NBAS: variants seen among roughly 807,000 people sequenced by gnomAD.
NBAS encodes the protein NBAS subunit of NRZ tethering complex, also known as NAG/BC035112 fusion.
A neutral mutation model predicts 302.5 loss-of-function variants in NBAS; 219 were observed. The observed-to-expected ratio is 0.72, with a 90% CI of 0.65 to 0.81. The LOEUF is 0.81. Among genes scored for constraint, NBAS ranks in the 30% least tolerant of loss-of-function variants. The pLI, the probability that NBAS is intolerant of heterozygous loss-of-function variation, is 0.00. For synonymous variants in NBAS, 1,118 were observed against 1,021.6 expected, an observed-to-expected ratio of 1.09 and a Z score of -1.80; for missense variants, 2,932 against 2,841.6, an observed-to-expected ratio of 1.03 and a Z score of -0.72.
the NBAS span, among the ~76,000 whole-genome samples, chr2:14,864,628 G>T: frequency 6.6e-6 from 1 of 152,142 alleles, no homozygotes; most frequent in Admixed American, 6.5e-5. Context: ...AAAACATAGT[G>T]CCCAATAACA....
At chr2:15,195,229 T>C (rs1434192677) in intron 48 of NBAS, among the ~76,000 whole-genome samples, 13 of 152,160 alleles carry the variant, frequency 8.5e-5, no homozygotes, top group Admixed American at 7.2e-4. Context: ...TAAGAGGTGA[T>C]TGGGTCACGA....
chr2:15,217,429 C>A (rs999002076), intron 48 of NBAS, among the ~76,000 whole-genome samples: 2 of 152,130 alleles, frequency 1.3e-5, no homozygotes, highest in Admixed American at 1.3e-4. Context: ...CGTGATGAGG[C>A]CCAAAATATT....
At chr2:15,204,236 G>A (rs1340623062) in intron 48 of NBAS, among the ~76,000 whole-genome samples, 1 of 151,960 alleles carries the variant, frequency 6.6e-6, no homozygotes, top group Admixed American at 6.6e-5. Flanking sequence ...TCCAGCCTGG[G>A]CAACAGGGTG....
chr2:14,956,826 A>G, the NBAS span, among the ~76,000 whole-genome samples: 1 of 152,090 alleles, frequency 6.6e-6, no homozygotes, highest in Non-Finnish European at 1.5e-5. Flanking sequence ...ACAATTCAAG[A>G]AGAGATTTGG....
At chr2:15,287,810 C>T (rs1021487355) in intron 41 of NBAS, among the ~76,000 whole-genome samples, 7 of 151,598 alleles carry the variant, frequency 4.6e-5, no homozygotes, top group African/African-American at 1.7e-4. Context: ...CCCGTGTAGG[C>T]ATCCCCGCAT....
In NBAS at chr2:15,467,766, G is replaced by A. The variant is rs2148572908; in HGVS notation, c.1916C>T (p.Ser639Phe). 1 of 1,596,026 alleles carries A rather than the reference G, an allele frequency of 6.3e-7. No homozygotes were observed. The highest frequency in any genetic ancestry group is 2.2e-5 in the East Asian group (1 of 44,696). The change falls in exon 18 of 52, where the codon TCC (serine) becomes TTC (phenylalanine). Residue 639 changes from serine (S) to phenylalanine (F), a missense_variant. By Grantham distance (155) the Ser-to-Phe change is radical (BLOSUM62 -2). Transcript: ENST00000281513. ...LPGEIDIDSI[S>F]YEELSPPDEE... ...ATCAGGTGGTGAAAGCTCTTCATAG[G>A]AGATACTGTCAATGTCTATTTCACC... is the stretch of plus-strand genomic sequence containing the variant.
the NBAS span, among the ~76,000 whole-genome samples, chr2:14,809,721 T>C: frequency 6.6e-6 from 1 of 152,152 alleles, no homozygotes; most frequent in South Asian, 2.1e-4. Flanking sequence ...AGAGGGCCAC[T>C]GTTCTCCAGA....
At chr2:15,470,053 T>C (rs537222041) in intron 16 of NBAS, among the ~76,000 whole-genome samples, 1 of 152,308 alleles carries the variant, frequency 6.6e-6, no homozygotes, top group East Asian at 1.9e-4. Flanking sequence ...AGAGCTATTA[T>C]GGTTATAAAT....
the NBAS span, among the ~76,000 whole-genome samples, chr2:14,822,247 G>A: frequency 6.6e-6 from 1 of 152,086 alleles, no homozygotes; most frequent in Non-Finnish European, 1.5e-5. Context: ...ACTATTGCCA[G>A]AAGGGACTGT....
chr2:15,288,225 C>A (rs536425282), intron 41 of NBAS, among the ~76,000 whole-genome samples: 29 of 152,340 alleles, frequency 1.9e-4, no homozygotes, highest in African/African-American at 6.7e-4. Context: ...TGTGCTAGCT[C>A]CTTAGGAACT....
intron 25 of NBAS, among the ~76,000 whole-genome samples, chr2:15,411,741 G>C (rs565266068): frequency 1.4e-4 from 22 of 152,166 alleles, no homozygotes; most frequent in African/African-American, 5.3e-4. Flanking sequence ...CAAAATCACC[G>C]AATAAATTGT....
chr2:14,885,966 A>G, the NBAS span, among the ~76,000 whole-genome samples: 1 of 152,196 alleles, frequency 6.6e-6, no homozygotes, highest in Non-Finnish European at 1.5e-5. Flanking sequence ...CAAAGAAATA[A>G]AGAGAACGAG....
At chr2:15,151,443 G>T in the NBAS span, among the ~76,000 whole-genome samples, 2 of 152,188 alleles carry the variant, frequency 1.3e-5, no homozygotes, top group Non-Finnish European at 2.9e-5. Flanking sequence ...TTAGAAATCT[G>T]CCCAAACAGC....
intron 7 of NBAS, 76 bp from the exon 8 acceptor site, chr2:15,536,627 T>C: frequency 1.6e-4 from 145 of 914,950 alleles, no homozygotes; most frequent in Non-Finnish European, 2.2e-4. Flanking sequence ...AATTAGAGAA[T>C]ATCTGATACA....
the NBAS span, among the ~76,000 whole-genome samples, chr2:15,103,031 A>G: frequency 1.7e-3 from 53 of 31,062 alleles, 1 homozygote; most frequent in African/African-American, 6.7e-3. Flanking sequence ...AAGGAAGGAA[A>G]GAGGGTCGGA....
chr2:15,073,494 A>T, the NBAS span, among the ~76,000 whole-genome samples: 1 of 146,334 alleles, frequency 6.8e-6, no homozygotes, highest in East Asian at 2.0e-4. Context: ...AAAAAAAATA[A>T]AAAATAAAAC....
chr2:14,921,696 TGA>T, the NBAS span, among the ~76,000 whole-genome samples: 1 of 152,300 alleles, frequency 6.6e-6, no homozygotes, highest in East Asian at 1.9e-4. Context: ...GCATGCATTG[TGA>T]ATAAGCGAGT....
chr2:14,898,325 A>C, the NBAS span, among the ~76,000 whole-genome samples: 1 of 152,170 alleles, frequency 6.6e-6, no homozygotes, highest in Admixed American at 6.5e-5. Flanking sequence ...TCCTAGTAAG[A>C]CTTGAGAGGT....
At chr2:15,014,291 C>T in the NBAS span, among the ~76,000 whole-genome samples, 2,291 of 152,220 alleles carry the variant, frequency 0.015, 47 homozygotes, top group African/African-American at 0.043. Context: ...ATATACCAAA[C>T]GGACCTAACA....
Sources: gnomAD v4.1 joint callset for allele counts (sites outside exome capture counted in the v4.1 genomes callset) on GRCh38, gnomAD v4.1.1 for gene constraint, MANE v1.5 for transcripts, NCBI Gene and HGNC (gene_info 2026-07-23, HGNC 2026-07-21) for gene names.